The following CALN1 variants were observed in gnomAD, a reference collection of about 807,000 sequenced individuals.
CALN1 encodes calneuron 1, also known as calcium-binding protein 8.
CALN1 carries 17 observed loss-of-function variants against 30.6 expected under a neutral mutation model. That is an observed-to-expected ratio of 0.56 (90% CI 0.38 to 0.83). CALN1 has a LOEUF of 0.83. CALN1 is among the 40% of genes least tolerant of loss of function. CALN1 has a pLI of 0.00. For missense variants in CALN1, 291 were observed against 354.9 expected (o/e 0.82, Z 1.45); for synonymous variants, 156 against 131.4 (o/e 1.19, Z -1.28).
At chr7:72,398,325 A>T (rs936925744) in intron 2 of CALN1, among the ~76,000 whole-genome samples, 2 of 152,228 alleles carry the variant, frequency 1.3e-5, no homozygotes, top group Non-Finnish European at 2.9e-5. Flanking sequence ...ACTAGAGAGA[A>T]AAGTTCCCTT....
intron 2 of CALN1, among the ~76,000 whole-genome samples, chr7:72,357,186 T>C (rs1226310331): frequency 6.6e-6 from 1 of 151,840 alleles, no homozygotes; most frequent in East Asian, 1.9e-4. Context: ...TGAACCAAAA[T>C]GAAATATGAT....
chr7:72,045,871 T>G (rs844776), intron 4 of CALN1, among the ~76,000 whole-genome samples: 96,696 of 151,126 alleles, frequency 0.64, 31,285 homozygotes, highest in East Asian at 0.76. Flanking sequence ...GTGGTGGCAG[T>G]TGCCTGTAAT....
chr7:72,162,912 A>G (rs192540920), intron 3 of CALN1, among the ~76,000 whole-genome samples: 4 of 152,336 alleles, frequency 2.6e-5, no homozygotes, highest in Admixed American at 1.3e-4. Context: ...AGTTACAAAT[A>G]GAAAGGAAAT....
At chr7:71,851,569 C>G (rs1335422683) in intron 5 of CALN1, among the ~76,000 whole-genome samples, 3 of 151,588 alleles carry the variant, frequency 2.0e-5, no homozygotes, top group Non-Finnish European at 4.4e-5. Flanking sequence ...TATATACACA[C>G]ACATATATAT....
chr7:72,418,615 T>TC (rs779122473), intron 1 of CALN1, among the ~76,000 whole-genome samples: 2,662 of 151,064 alleles, frequency 0.018, 32 homozygotes, highest in South Asian at 0.026. Flanking sequence ...CTCTGTAGCT[T>TC]CCCCGCCCCG....
upstream of CALN1, chr7:72,412,348 C>A (rs1032331863): frequency 2.6e-5 from 4 of 152,306 alleles, no homozygotes; most frequent in East Asian, 1.9e-4. Context: ...CCCCAGCGGG[C>A]TCGGGGAGCC....
intron 1 of CALN1, among the ~76,000 whole-genome samples, chr7:72,419,068 T>A (rs1260774816): frequency 2.6e-5 from 4 of 151,988 alleles, no homozygotes; most frequent in Non-Finnish European, 4.4e-5. Flanking sequence ...AGCCTAGAAG[T>A]AGATTCCCAG....
chr7:72,267,235 A>G (rs1796656230), intron 3 of CALN1, among the ~76,000 whole-genome samples: 1 of 152,184 alleles, frequency 6.6e-6, no homozygotes, highest in Non-Finnish European at 1.5e-5. Flanking sequence ...GGGATAAAAC[A>G]GTAGGGGACG....
At chr7:72,381,102 G>C (rs1180399364) in intron 2 of CALN1, among the ~76,000 whole-genome samples, 1 of 152,178 alleles carries the variant, frequency 6.6e-6, no homozygotes, top group African/African-American at 2.4e-5. Flanking sequence ...AGAAAAACTA[G>C]AAGAGCTCTC....
chr7:72,501,428 G>C, the CALN1 span, among the ~76,000 whole-genome samples: 1 of 114,484 alleles, frequency 8.7e-6, no homozygotes, highest in African/African-American at 3.3e-5. Context: ...GAAAGAGGAA[G>C]AAGAAGAAGA....
intron 2 of CALN1, among the ~76,000 whole-genome samples, chr7:72,371,516 TGAA>T (rs1228658773): frequency 2.6e-5 from 4 of 152,186 alleles, no homozygotes; most frequent in African/African-American, 9.7e-5. Context: ...TGCCATCATG[TGAA>T]GAAGGACGTG....
At chr7:71,808,840 G>A (rs959981842) in intron 6 of CALN1, among the ~76,000 whole-genome samples, 5 of 152,086 alleles carry the variant, frequency 3.3e-5, no homozygotes, top group South Asian at 2.1e-4. Flanking sequence ...TGTCAGCCCC[G>A]AGCGAGATGG....
rs909354149 is a variant in CALN1 at position 71,783,155 on chromosome 7, CTT to C, written c.*4618_*4619del. On this transcript the variant is annotated 3_prime_UTR_variant, in exon 7 of 7. Coordinates refer to ENST00000395275, the MANE Select transcript of CALN1 (RefSeq NM_031468.4). ...TGGTAAGGCCTTTAGGTTACGGACT[CTT>C]AGCTCCATGGGGATCACTGAAGAGG... The C allele has an allele frequency of 1.3e-5, 2 of 152,142 alleles. No individual in the cohort carries two copies. Among genetic ancestry groups the C allele is most frequent in the South Asian group, 2.1e-4 (1 of 4,814 alleles). 9.4% of individuals were successfully genotyped at this position (152,142 alleles called of 1,614,324 possible).
intron 4 of CALN1, among the ~76,000 whole-genome samples, chr7:72,027,932 G>A (rs1311376125): frequency 3.3e-5 from 5 of 151,188 alleles, no homozygotes; most frequent in African/African-American, 7.3e-5. Context: ...GGTGGCGGGC[G>A]CCTGTAGTCC....
chr7:71,873,757 T>G (rs1257946145), intron 5 of CALN1, among the ~76,000 whole-genome samples: 1 of 152,250 alleles, frequency 6.6e-6, no homozygotes, highest in East Asian at 1.9e-4. Context: ...CCCACTGTGC[T>G]AAGTTTACTT....
chr7:71,918,211 C>G (rs1794775852), intron 5 of CALN1, among the ~76,000 whole-genome samples: 1 of 152,174 alleles, frequency 6.6e-6, no homozygotes, highest in Non-Finnish European at 1.5e-5. Context: ...CACATGTGTG[C>G]TGCCTGGCTG....
At chr7:71,877,910 G>A (rs546761709) in intron 5 of CALN1, among the ~76,000 whole-genome samples, 1 of 152,176 alleles carries the variant, frequency 6.6e-6, no homozygotes. Context: ...AAGCCATTTT[G>A]CCATAGTGGT....
At chr7:72,001,515 G>A (rs556028613) in intron 5 of CALN1, among the ~76,000 whole-genome samples, 44 of 152,162 alleles carry the variant, frequency 2.9e-4, no homozygotes, top group Non-Finnish European at 5.9e-4. Context: ...CCCACCCCAA[G>A]GGGAGAATAA....
At chr7:71,800,150 G>A (rs1168262815) in intron 6 of CALN1, among the ~76,000 whole-genome samples, 1 of 152,210 alleles carries the variant, frequency 6.6e-6, no homozygotes. Context: ...GGACTGAGCT[G>A]GGAACCTTGG....
Sources: gnomAD v4.1 joint callset for allele counts (sites outside exome capture counted in the v4.1 genomes callset) on GRCh38, gnomAD v4.1.1 for gene constraint, MANE v1.5 for transcripts, NCBI Gene and HGNC (gene_info 2026-07-23, HGNC 2026-07-21) for gene names.